Variants in JAZF1 observed in about 807,000 individuals in gnomAD.
JAZF1 encodes juxtaposed with another zinc finger protein 1.
Under a neutral mutation model 26.4 loss-of-function variants are expected in JAZF1, and 8 were observed. The ratio of observed to expected loss-of-function variants is 0.30; its 90% CI spans 0.18 to 0.55. JAZF1 has a LOEUF of 0.55. Among genes scored for constraint, JAZF1 ranks in the 20% least tolerant of loss-of-function variants. The pLI, the probability that JAZF1 is intolerant of heterozygous loss-of-function variation, is 0.94. For synonymous variants in JAZF1, 126 were observed against 122.3 expected, an observed-to-expected ratio of 1.03 and a Z score of -0.20; for missense variants, 199 against 322.0, an observed-to-expected ratio of 0.62 and a Z score of 2.92.
intron 1 of JAZF1, among the ~76,000 whole-genome samples, chr7:28,147,492 A>AT (rs10622246): frequency 4.3e-4 from 64 of 148,996 alleles, no homozygotes; most frequent in African/African-American, 1.0e-3. Flanking sequence ...AGTAAAAACA[A>AT]TTTTTTTTTT....
At chr7:27,931,247 T>C (rs555816229) in intron 2 of JAZF1, among the ~76,000 whole-genome samples, 9 of 152,326 alleles carry the variant, frequency 5.9e-5, no homozygotes, top group Admixed American at 2.0e-4. Flanking sequence ...AGACAATTCA[T>C]ACATAAATGA....
chr7:27,901,522 T>C (rs1487420096), intron 2 of JAZF1, among the ~76,000 whole-genome samples: 1 of 152,204 alleles, frequency 6.6e-6, no homozygotes, highest in Non-Finnish European at 1.5e-5. Context: ...CCAAAACACC[T>C]GAGTCTAAGT....
At chr7:27,955,478 A>G (rs1175736251) in intron 2 of JAZF1, among the ~76,000 whole-genome samples, 1 of 152,180 alleles carries the variant, frequency 6.6e-6, no homozygotes, top group Admixed American at 6.5e-5. Flanking sequence ...TCACCTCCCT[A>G]AAGCCTTGTA....
chr7:28,040,526 A>G (rs182219826), intron 1 of JAZF1, among the ~76,000 whole-genome samples: 1 of 152,292 alleles, frequency 6.6e-6, no homozygotes, highest in Admixed American at 6.5e-5. Context: ...GTCTGGGGGT[A>G]AACATCTCAG....
intron 1 of JAZF1, among the ~76,000 whole-genome samples, chr7:28,129,650 G>A (rs1782756709): frequency 6.6e-6 from 1 of 152,102 alleles, no homozygotes; most frequent in African/African-American, 2.4e-5. Context: ...TTGAGAAAAA[G>A]TCTGTATGTC....
rs113450342 is a variant in JAZF1, at chr7:27,864,696, T to TA, written c.386-23830dup. Among the ~76,000 whole-genome samples, 1,459 of 151,908 alleles carry TA rather than the reference T, an allele frequency of 9.6e-3. 27 individuals are homozygous for TA. The highest frequency in any genetic ancestry group is 0.03 in the African/African-American group (1,230 of 41,410). On this transcript the variant is annotated intron_variant, in intron 3 of 4. Transcript: ENST00000283928. ...ATATGTTGTTTCAGGTCTCATTTCT[T>TA]AAAAAAAAATCCTACATTTTTAGGA...
chr7:28,105,988 G>GC (rs1784544862), intron 1 of JAZF1, among the ~76,000 whole-genome samples: 1 of 152,174 alleles, frequency 6.6e-6, no homozygotes. Flanking sequence ...ATGGGAAACT[G>GC]TTTTAAGGAT....
intron 1 of JAZF1, among the ~76,000 whole-genome samples, chr7:28,151,393 C>G (rs1210942819): frequency 6.6e-6 from 1 of 151,850 alleles, no homozygotes; most frequent in East Asian, 1.9e-4. Flanking sequence ...GCATAAGCCA[C>G]CATACCTGGC....
intron 1 of JAZF1, among the ~76,000 whole-genome samples, chr7:28,078,060 A>G (rs898560052): frequency 4.6e-5 from 7 of 152,222 alleles, no homozygotes; most frequent in African/African-American, 7.2e-5. Context: ...AGAAGAAAAC[A>G]TAAGTCTTGA....
intron 2 of JAZF1, among the ~76,000 whole-genome samples, chr7:27,910,174 G>C (rs1213243972): frequency 6.6e-6 from 1 of 152,192 alleles, no homozygotes; most frequent in Non-Finnish European, 1.5e-5. Context: ...GTCTTGCACA[G>C]TATAGTGAGA....
intron 2 of JAZF1, among the ~76,000 whole-genome samples, chr7:27,922,484 G>C (rs150160645): frequency 1.3e-5 from 2 of 151,928 alleles, no homozygotes; most frequent in Middle Eastern, 3.2e-3. Context: ...CCTGAGCTCA[G>C]GCAATCCGCC....
At chr7:28,018,568 A>T (rs1308791329) in intron 1 of JAZF1, among the ~76,000 whole-genome samples, 1 of 152,188 alleles carries the variant, frequency 6.6e-6, no homozygotes, top group Non-Finnish European at 1.5e-5. Flanking sequence ...AGTGTTGCAG[A>T]TTAAGGGAAA....
At chr7:28,054,644 G>A (rs554185642) in intron 1 of JAZF1, among the ~76,000 whole-genome samples, 1 of 152,088 alleles carries the variant, frequency 6.6e-6, no homozygotes, top group Non-Finnish European at 1.5e-5. Flanking sequence ...AGGAAACCCA[G>A]GGCCTGGTAT....
At position 27,908,340 on chromosome 7, in the gene JAZF1, T is replaced by C. The variant is rs186486217; in HGVS notation, c.189-12924A>G. ...CTAATAATAAGACAGTAAAACTATT[T>C]TGGGGGCAAAGCCAGTTTCCAGCAT... On this transcript the variant is annotated intron_variant, in intron 2 of 4. Transcript: ENST00000283928. Among the ~76,000 whole-genome samples, 15 of 152,316 alleles carry C rather than the reference T, an allele frequency of 9.8e-5. 1 individual carries two copies. The South Asian group carries it at 1.7e-3, about 17-fold the overall frequency.
chr7:27,883,439 C>T (rs1374181262), intron 3 of JAZF1, among the ~76,000 whole-genome samples: 1 of 152,094 alleles, frequency 6.6e-6, no homozygotes, highest in Non-Finnish European at 1.5e-5. Context: ...AGGTTTTTAA[C>T]TAAATGTAAA....
intron 2 of JAZF1, among the ~76,000 whole-genome samples, chr7:27,930,677 C>T (rs1784675204): frequency 6.6e-6 from 1 of 152,138 alleles, no homozygotes; most frequent in Admixed American, 6.5e-5. Context: ...TTTTTAGACA[C>T]TTTCATAAAA....
At chr7:28,162,757 G>A (rs1370241229) in intron 1 of JAZF1, among the ~76,000 whole-genome samples, 1 of 152,194 alleles carries the variant, frequency 6.6e-6, no homozygotes, top group African/African-American at 2.4e-5. Flanking sequence ...TAAAACGTCT[G>A]ATGAAAGGTA....
At chr7:28,000,424 C>A (rs1042097833) in intron 1 of JAZF1, among the ~76,000 whole-genome samples, 4 of 152,098 alleles carry the variant, frequency 2.6e-5, no homozygotes, top group Non-Finnish European at 4.4e-5. Flanking sequence ...AGAAACCCTG[C>A]TTTAAAACTA....
rs935202786 is a variant in JAZF1 at position 28,151,548 on chromosome 7, C to T, written c.115+28915G>A. 5.9e-5 allele frequency among the ~76,000 whole-genome samples: 9 copies of T among 151,802 alleles called. 1 individual carries two copies. The highest frequency in any genetic ancestry group is 2.2e-4 in the African/African-American group (9 of 41,432). ...AGGCACGGTGGCTCATGTCTGTAAT[C>T]CCAGCACTTTGGGAGGCCAAGGCAG... On this transcript the variant is annotated intron_variant, in intron 1 of 4. Coordinates refer to ENST00000283928, the MANE Select transcript of JAZF1 (RefSeq NM_175061.4).
Sources: gnomAD v4.1 joint callset for allele counts (sites outside exome capture counted in the v4.1 genomes callset) on GRCh38, gnomAD v4.1.1 for gene constraint, MANE v1.5 for transcripts, NCBI Gene and HGNC (gene_info 2026-07-23, HGNC 2026-07-21) for gene names.